Variants in RBMS3 observed in about 807,000 individuals in gnomAD.
The protein encoded by RBMS3 is RNA binding motif single stranded interacting protein 3, also known as RNA-binding motif, single-stranded-interacting protein 3.
In RBMS3, 27 loss-of-function variants were observed where a neutral mutation model predicts 66.8. The observed-to-expected ratio is 0.40, with a 90% confidence interval of 0.30 to 0.56. The LOEUF is 0.56. RBMS3 is among the 20% of genes least tolerant of loss of function. The pLI is 0.40. For synonymous variants in RBMS3, 188 were observed against 183.0 expected (o/e 1.03, Z -0.22); for missense variants, 513 against 549.5 (o/e 0.93, Z 0.66).
At position 29,380,212 on chromosome 3, in the gene RBMS3, T is replaced by TCACACA. The variant is rs10584637; in HGVS notation, c.76-54511_76-54506dup. Among the ~76,000 whole-genome samples, 871 of 149,296 alleles carry TCACACA rather than the reference T, an allele frequency of 5.8e-3. 5 individuals carry two copies. Among genetic ancestry groups the TCACACA allele is most frequent in the African/African-American group, 7.5e-3 (305 of 40,580 alleles). On this transcript the variant is annotated intron_variant, in intron 1 of 14. Transcript: ENST00000383767. ...CTAGTAGGTATTTAGTAGGGGAATC[T>TCACACA]CACACACACACACACACACACACAC...
intron 10 of RBMS3, among the ~76,000 whole-genome samples, chr3:29,928,405 T>C (rs941128185): frequency 1.3e-5 from 2 of 151,830 alleles, no homozygotes; most frequent in African/African-American, 2.4e-5. Flanking sequence ...TATATTTGAT[T>C]AATCAATTCA....
intron 4 of RBMS3, among the ~76,000 whole-genome samples, chr3:29,700,981 C>A (rs2052544722): frequency 6.6e-6 from 1 of 152,080 alleles, no homozygotes; most frequent in South Asian, 2.1e-4. Flanking sequence ...CTTTGTTAGG[C>A]TAGCTAAACC....
At chr3:29,380,212 T>TCACACACA (rs10584637) in intron 1 of RBMS3, among the ~76,000 whole-genome samples, 41 of 149,202 alleles carry the variant, frequency 2.7e-4, no homozygotes, top group Non-Finnish European at 4.9e-4. Flanking sequence ...TAGGGGAATC[T>TCACACACA]CACACACACA....
At chr3:29,593,860 A>G (rs1028376702) in intron 4 of RBMS3, among the ~76,000 whole-genome samples, 7 of 152,218 alleles carry the variant, frequency 4.6e-5, no homozygotes, top group African/African-American at 1.7e-4. Flanking sequence ...TAACTGTTAT[A>G]CAAAGAGATA....
intron 10 of RBMS3, among the ~76,000 whole-genome samples, chr3:29,931,399 C>G (rs1030823129): frequency 3.3e-5 from 5 of 152,280 alleles, no homozygotes; most frequent in Non-Finnish European, 7.4e-5. Context: ...ATTTCCCATA[C>G]CTCCAGCATT....
chr3:29,316,272 C>A (rs2034670898), intron 1 of RBMS3, among the ~76,000 whole-genome samples: 1 of 151,694 alleles, frequency 6.6e-6, no homozygotes, highest in East Asian at 1.9e-4. Context: ...GTCAAATATG[C>A]ATTGCTTATA....
rs1382164328 is a variant in RBMS3, at chr3:29,838,907, T to C, written c.638-29951T>C. 3.3e-5 allele frequency among the ~76,000 whole-genome samples: 5 copies of C among 152,118 alleles called. 1 individual carries two copies. The highest frequency in any genetic ancestry group is 5.9e-5 in the Non-Finnish European group (4 of 68,016). ...TTAGGTAGCTCTCACAATATAGATA[T>C]GATCAAAGATGAGTATTTGAAATTC... On this transcript the variant is annotated intron_variant, in intron 6 of 14. Coordinates refer to ENST00000383767, the MANE Select transcript of RBMS3 (RefSeq NM_001003793.3).
chr3:29,613,402 C>T (rs991077710), intron 4 of RBMS3, among the ~76,000 whole-genome samples: 6 of 151,944 alleles, frequency 3.9e-5, no homozygotes, highest in Non-Finnish European at 5.9e-5. Flanking sequence ...TTTTGATGGA[C>T]CCTCATGTTC....
chr3:29,630,275 G>A (rs9813916), intron 4 of RBMS3, among the ~76,000 whole-genome samples: 6,744 of 152,094 alleles, frequency 0.044, 431 homozygotes, highest in East Asian at 0.33. Flanking sequence ...GCATAGAAAA[G>A]CTGGTGAATG....
intron 4 of RBMS3, among the ~76,000 whole-genome samples, chr3:29,634,498 A>G (rs1440492): frequency 0.31 from 46,682 of 151,700 alleles, 7,565 homozygotes; most frequent in African/African-American, 0.39. Context: ...GCAGCCCCTC[A>G]TCACTAACAA....
intron 2 of RBMS3, among the ~76,000 whole-genome samples, chr3:29,470,233 T>A (rs1410334835): frequency 6.6e-6 from 1 of 151,964 alleles, no homozygotes; most frequent in Admixed American, 6.6e-5. Flanking sequence ...TTTTTGAATG[T>A]CTGTTTTAAA....
At chr3:29,323,192 C>A (rs1183726545) in intron 1 of RBMS3, among the ~76,000 whole-genome samples, 1 of 152,134 alleles carries the variant, frequency 6.6e-6, no homozygotes, top group Non-Finnish European at 1.5e-5. Flanking sequence ...CAGAGACAAA[C>A]ACATACACAG....
intron 6 of RBMS3, among the ~76,000 whole-genome samples, chr3:29,823,182 C>A (rs1474065387): frequency 1.3e-5 from 2 of 152,118 alleles, no homozygotes; most frequent in Non-Finnish European, 2.9e-5. Context: ...ACAAGCTGAA[C>A]ACAGTCCTAT....
chr3:29,805,511 C>T (rs2149449338), intron 6 of RBMS3, among the ~76,000 whole-genome samples: 1 of 152,122 alleles, frequency 6.6e-6, no homozygotes, highest in East Asian at 1.9e-4. Context: ...GTGTATGTTA[C>T]TGGCCCTGAA....
chr3:29,664,843 C>A (rs1357390946), intron 4 of RBMS3, among the ~76,000 whole-genome samples: 1 of 151,530 alleles, frequency 6.6e-6, no homozygotes, highest in Non-Finnish European at 1.5e-5. Flanking sequence ...TTTCTAAACA[C>A]CAAATAGAAA....
chr3:29,922,250 G>T (rs1455431240), intron 10 of RBMS3, among the ~76,000 whole-genome samples: 1 of 152,070 alleles, frequency 6.6e-6, no homozygotes, highest in Non-Finnish European at 1.5e-5. Flanking sequence ...CACTTTGGGA[G>T]GCCGAGGCGG....
intron 1 of RBMS3, among the ~76,000 whole-genome samples, chr3:29,400,056 A>G (rs1575712835): frequency 6.6e-6 from 1 of 152,118 alleles, no homozygotes; most frequent in Non-Finnish European, 1.5e-5. Context: ...AGATTGGCAC[A>G]CCCAAGCAGA....
At position 29,643,481 on chromosome 3, in the gene RBMS3, AG is replaced by A. The variant is rs1376392588; in HGVS notation, c.399+56277del. On this transcript the variant is annotated intron_variant, in intron 4 of 14. Transcript: ENST00000383767. ...TCCCCTGCATTGCCGAGGGTGTCTT[AG>A]CTTAGCTTCAAGTTCTAAGTTTGAC... is the stretch of plus-strand genomic sequence containing the variant. Among the ~76,000 whole-genome samples the A allele has an allele frequency of 1.1e-4, 17 of 152,104 alleles. No individual in the cohort carries two copies. The East Asian group carries it at 3.3e-3, about 29-fold the overall frequency.
chr3:29,592,199 C>T (rs201442430), intron 4 of RBMS3, among the ~76,000 whole-genome samples: 3 of 110,962 alleles, frequency 2.7e-5, no homozygotes, highest in African/African-American at 1.1e-4. Flanking sequence ...CACACATACA[C>T]ACACACACAC....
Sources: allele counts gnomAD v4.1 joint callset (sites outside exome capture counted in the v4.1 genomes callset), GRCh38; gene constraint gnomAD v4.1.1; transcripts MANE v1.5; gene names NCBI Gene and HGNC (gene_info 2026-07-23, HGNC 2026-07-21).